DNAH7: variants seen among roughly 807,000 people sequenced by gnomAD.
The protein encoded by DNAH7 is dynein axonemal heavy chain 7.
Under a neutral mutation model 444.6 loss-of-function variants are expected in DNAH7, and 397 were observed. The observed-to-expected ratio is 0.89, with a 90% CI of 0.82 to 0.97. The LOEUF (loss-of-function observed/expected upper bound fraction) is 0.97. DNAH7 is among the 50% of genes least tolerant of loss of function. DNAH7 has a pLI of 0.00. For missense variants in DNAH7, 4,902 were observed against 4,800.8 expected (o/e 1.02, Z -0.62); for synonymous variants, 1,636 against 1,624.4 (o/e 1.01, Z -0.17).
rs995587840 is a variant in DNAH7 at position 195,957,363 on chromosome 2, G to C, written c.2976C>G (p.Pro992=). ...KVQATWLYLE[P]IFSSPDIMSQ... is the part of the protein sequence containing the mutation. ...ACATAATGTCTGGAGAGCTGAAAAT[G>C]GGCTCCAGATACAGCCACGTGGCTT... The change falls in exon 19 of 65, where the codon CCC becomes CCG. Residue 992 remains proline, a synonymous_variant. Transcript: ENST00000312428. The C allele has an allele frequency of 4.4e-6, 7 of 1,607,148 alleles. No individual in the cohort carries two copies. Among genetic ancestry groups the C allele is most frequent in the Non-Finnish European group, 6.0e-6 (7 of 1,175,506 alleles).
chr2:195,981,583 C>T (rs924043027), intron 15 of DNAH7, among the ~76,000 whole-genome samples: 1 of 152,056 alleles, frequency 6.6e-6, no homozygotes, highest in Non-Finnish European at 1.5e-5. Flanking sequence ...GCTACAGTAA[C>T]CAAAATAGCA....
At chr2:195,890,395 C>T (rs1342717281) in intron 31 of DNAH7, among the ~76,000 whole-genome samples, 1 of 152,240 alleles carries the variant, frequency 6.6e-6, no homozygotes, top group Non-Finnish European at 1.5e-5. Context: ...GACTCTACTA[C>T]TTATGAGCTG....
chr2:195,797,229 T>C (rs1696188935), intron 55 of DNAH7, among the ~76,000 whole-genome samples: 1 of 152,244 alleles, frequency 6.6e-6, no homozygotes, highest in African/African-American at 2.4e-5. Context: ...CTTTAGAGAA[T>C]TCTGTGGGAA....
chr2:195,797,084 T>C (rs1696182069), intron 55 of DNAH7, among the ~76,000 whole-genome samples: 1 of 152,190 alleles, frequency 6.6e-6, no homozygotes, highest in Admixed American at 6.5e-5. Flanking sequence ...AAAATCCAAA[T>C]CTGAAAAGAA....
intron 5 of DNAH7, among the ~76,000 whole-genome samples, chr2:196,033,373 G>A (rs1696183540): frequency 6.6e-6 from 1 of 152,124 alleles, no homozygotes; most frequent in Non-Finnish European, 1.5e-5. Flanking sequence ...TTGCCATGCT[G>A]TGCAATATGT....
At chr2:195,812,699 A>G (rs1034059980) in intron 51 of DNAH7, among the ~76,000 whole-genome samples, 3 of 152,210 alleles carry the variant, frequency 2.0e-5, no homozygotes, top group African/African-American at 7.2e-5. Flanking sequence ...CTAAATAAAA[A>G]GAAATGAGAA....
At chr2:195,820,717 T>TA (rs2124903826) in intron 49 of DNAH7, among the ~76,000 whole-genome samples, 1 of 152,278 alleles carries the variant, frequency 6.6e-6, no homozygotes, top group South Asian at 2.1e-4. Context: ...TTGTAGCAGC[T>TA]AAAAAATGCC....
At chr2:195,759,420 G>A (rs935882816) in intron 61 of DNAH7, among the ~76,000 whole-genome samples, 4 of 152,158 alleles carry the variant, frequency 2.6e-5, no homozygotes, top group Admixed American at 2.0e-4. Context: ...CATGGGCCTT[G>A]AGTGAGACTC....
At chr2:195,947,034 T>C (rs1263851407) in intron 19 of DNAH7, among the ~76,000 whole-genome samples, 2 of 151,384 alleles carry the variant, frequency 1.3e-5, no homozygotes, top group Non-Finnish European at 2.9e-5. Context: ...TATAAGATTA[T>C]TTCATGTTTA....
chr2:196,030,900 G>A (rs932090955), intron 5 of DNAH7, among the ~76,000 whole-genome samples: 11 of 152,192 alleles, frequency 7.2e-5, no homozygotes, highest in East Asian at 1.9e-4. Context: ...CCAGGCAAAC[G>A]GTGCAAGCTG....
At chr2:195,940,833 T>G (rs978976051) in intron 19 of DNAH7, among the ~76,000 whole-genome samples, 2 of 152,134 alleles carry the variant, frequency 1.3e-5, no homozygotes, top group African/African-American at 4.8e-5. Context: ...TACCATCTCA[T>G]GCCAGTTAGA....
intron 8 of DNAH7, among the ~76,000 whole-genome samples, chr2:196,020,363 TTAATAA>T (rs1695301422): frequency 6.6e-6 from 1 of 152,152 alleles, no homozygotes; most frequent in Admixed American, 6.5e-5. Context: ...TCTTATGACT[TTAATAA>T]TCATCTTTTA....
chr2:195,874,069 G>C (rs576994931), intron 38 of DNAH7, among the ~76,000 whole-genome samples: 27 of 152,058 alleles, frequency 1.8e-4, no homozygotes, highest in Non-Finnish European at 3.2e-4. Context: ...CAATATTAAC[G>C]TAACTCTGGT....
chr2:195,784,955 G>A (rs1383340618), intron 58 of DNAH7, among the ~76,000 whole-genome samples: 1 of 149,858 alleles, frequency 6.7e-6, no homozygotes, highest in African/African-American at 2.5e-5. Flanking sequence ...CTGTCACCCA[G>A]GCTGGAGTGC....
At chr2:195,946,858 A>G (rs914327249) in intron 19 of DNAH7, among the ~76,000 whole-genome samples, 2 of 151,998 alleles carry the variant, frequency 1.3e-5, no homozygotes, top group African/African-American at 4.8e-5. Flanking sequence ...ACTGTGGGGA[A>G]GAGGAGAGCT....
chr2:196,053,791 ACTTTGTAGCCATATGAT>A (rs1217348263), intron 2 of DNAH7, among the ~76,000 whole-genome samples: 3 of 152,172 alleles, frequency 2.0e-5, no homozygotes, highest in African/African-American at 7.2e-5. Context: ...TCTCTTAGTT[ACTTTGTAGCCATATGAT>A]TTGTGTGGCT....
At chr2:196,066,408 A>G (rs1307663585) in intron 1 of DNAH7, among the ~76,000 whole-genome samples, 1 of 152,218 alleles carries the variant, frequency 6.6e-6, no homozygotes, top group Non-Finnish European at 1.5e-5. Flanking sequence ...TGGAATGAGC[A>G]TCACATCATA....
chr2:195,925,443 C>T (rs1688270876), intron 22 of DNAH7, among the ~76,000 whole-genome samples: 1 of 152,090 alleles, frequency 6.6e-6, no homozygotes, highest in African/African-American at 2.4e-5. Flanking sequence ...GGAGAAACAC[C>T]CAAGGGCCCA....
Position 195,796,714 on chromosome 2 carries a change from G to C in DNAH7, c.10377C>G (p.Ser3459Arg), listed in dbSNP as rs939218295. Residue 3459 changes from serine (S) to arginine (R), a missense_variant, in exon 56 of 65, where the codon AGC (serine) becomes AGG (arginine). Coordinates refer to ENST00000312428, the MANE Select transcript of DNAH7 (RefSeq NM_018897.3). ...CTTGGCCTTGACCAAGAGATAAAGA[G>C]CTAAGTTTTGATCCCCCATATCCCT... ...DDQGYGGSKL[S>R]SLSLGQGQGP... is the part of the protein sequence containing the mutation. 6.2e-7 allele frequency: 1 copy of C among 1,613,974 alleles called. No homozygotes were observed. The highest frequency in any genetic ancestry group is 1.3e-5 in the African/African-American group (1 of 74,944).
Sources: gnomAD v4.1 joint callset for allele counts (sites outside exome capture counted in the v4.1 genomes callset) on GRCh38, gnomAD v4.1.1 for gene constraint, MANE v1.5 for transcripts, NCBI Gene and HGNC (gene_info 2026-07-23, HGNC 2026-07-21) for gene names.